GALNT18: variants seen among roughly 807,000 people sequenced by gnomAD.
The protein encoded by GALNT18 is GalNAc-transferase 18.
GALNT18 carries 44 observed loss-of-function variants against 69.5 expected under a neutral mutation model. That is an observed-to-expected ratio of 0.63 (90% CI 0.50 to 0.81). The LOEUF is 0.81. Ranked by LOEUF, GALNT18 falls within the 40% of genes least tolerant of loss-of-function variation. The pLI, the probability that GALNT18 is intolerant of heterozygous loss-of-function variation, is 0.00. For synonymous variants in GALNT18, 364 were observed against 318.2 expected (o/e 1.14, Z -1.53); for missense variants, 715 against 810.0 (o/e 0.88, Z 1.42).
chr11:11,502,075 G>T (rs1483059532), intron 1 of GALNT18, among the ~76,000 whole-genome samples: 1 of 152,220 alleles, frequency 6.6e-6, no homozygotes, highest in Non-Finnish European at 1.5e-5. Flanking sequence ...AAAGCAGGAA[G>T]TCTGCAAGAA....
intron 6 of GALNT18, among the ~76,000 whole-genome samples, chr11:11,354,618 C>T (rs1460000972): frequency 2.0e-5 from 3 of 152,068 alleles, no homozygotes; most frequent in African/African-American, 7.2e-5. Context: ...GTTTAGAGGC[C>T]CCTAAGTATC....
chr11:11,334,872 A>C (rs756346614), intron 7 of GALNT18, among the ~76,000 whole-genome samples: 1 of 152,192 alleles, frequency 6.6e-6, no homozygotes, highest in Non-Finnish European at 1.5e-5. Context: ...CTGCTGGGTG[A>C]AGAAAATATT....
intron 1 of GALNT18, among the ~76,000 whole-genome samples, chr11:11,483,958 C>T (rs1472313442): frequency 2.0e-5 from 3 of 152,094 alleles, no homozygotes; most frequent in South Asian, 2.1e-4. Flanking sequence ...ATGAAGGCCC[C>T]GAGCAAAGTT....
In GALNT18 at chr11:11,546,534, G is replaced by C. The variant is rs1454927429; in HGVS notation, c.235+74825C>G. 6.6e-6 allele frequency among the ~76,000 whole-genome samples: 1 copy of C among 152,202 alleles called. No homozygotes were observed. The highest frequency in any genetic ancestry group is 2.4e-5 in the African/African-American group (1 of 41,458). On this transcript the variant is annotated intron_variant, in intron 1 of 10. Transcript: ENST00000227756. This position sits in a 1 kb window ranked among gnomAD's most constrained non-coding sequence, Gnocchi z 5.8. The stretch of plus-strand genomic sequence containing the variant: ...ACAAATCAAATTCTGCCACTGCAAT[G>C]CTGTAAAAGGTATCACGGCTCCCAT...
At position 11,293,241 on chromosome 11, in the gene GALNT18, G is replaced by A. The variant is rs112108154; in HGVS notation, c.1513-48C>T. 5.3e-4 allele frequency: 692 copies of A among 1,298,822 alleles called. 4 individuals are homozygous for A. The African/African-American group carries it at 8.7e-3, about 16-fold the overall frequency. 80.5% of individuals were successfully genotyped at this position (1,298,822 alleles called of 1,614,324 possible). A position where few individuals can be genotyped will look rare whatever the true frequency, so the allele number is the denominator to read the frequency against. ...AGTGTGGATAAATGCCAATGGCCACGGAGACAGGAGCATAGGTGGTGATTC... is the reference window on the plus strand; with the variant it reads ...AGTGTGGATAAATGCCAATGGCCACAGAGACAGGAGCATAGGTGGTGATTC... On this transcript the variant is annotated intron_variant, in intron 9 of 10. Coordinates refer to ENST00000227756, the MANE Select transcript of GALNT18 (RefSeq NM_198516.3).
chr11:11,298,958 A>G (rs1437899854), intron 9 of GALNT18, among the ~76,000 whole-genome samples: 5 of 151,936 alleles, frequency 3.3e-5, no homozygotes, highest in Admixed American at 6.6e-5. Flanking sequence ...CCCGCCTCCA[A>G]CCTCCACCAG....
rs1050704632 is a variant in GALNT18, at chr11:11,614,006, C to T, written c.235+7353G>A. On this transcript the variant is annotated intron_variant, in intron 1 of 10. Transcript: ENST00000227756. This position sits in a 1 kb window ranked among gnomAD's most constrained non-coding sequence, Gnocchi z 5.6. ...TGTACTGCTTGGCAATGTGCTTCTC[C>T]ACAGGGCAGCCTGTCTGTCCCCATC... Among the ~76,000 whole-genome samples the T allele has an allele frequency of 2.0e-5, 3 of 152,100 alleles. No homozygotes were observed. Among genetic ancestry groups the T allele is most frequent in the Admixed American group, 6.5e-5 (1 of 15,276 alleles).
chr11:11,450,610 A>G (rs148081716), intron 1 of GALNT18, among the ~76,000 whole-genome samples: 1 of 152,266 alleles, frequency 6.6e-6, no homozygotes, highest in African/African-American at 2.4e-5. Context: ...CCAGGTGCCG[A>G]ACTCACTGGG....
intron 6 of GALNT18, among the ~76,000 whole-genome samples, chr11:11,365,970 T>C (rs1850758832): frequency 6.6e-6 from 1 of 152,180 alleles, no homozygotes; most frequent in East Asian, 1.9e-4. Flanking sequence ...GCTAATTGTG[T>C]GCTGTCACTC....
intron 3 of GALNT18, among the ~76,000 whole-genome samples, chr11:11,392,781 T>C (rs141691952): frequency 2.6e-5 from 4 of 152,298 alleles, no homozygotes; most frequent in East Asian, 3.9e-4. Context: ...TTCAACAGCA[T>C]TACAGCCATC....
chr11:11,358,059 T>C (rs911589797), intron 6 of GALNT18, among the ~76,000 whole-genome samples: 1 of 152,158 alleles, frequency 6.6e-6, no homozygotes, highest in African/African-American at 2.4e-5. Context: ...GACTGTGGGA[T>C]CACACTGTCC....
Position 11,497,432 on chromosome 11 carries a change from T to A in GALNT18, c.236-48496A>T, listed in dbSNP as rs906178125. On this transcript the variant is annotated intron_variant, in intron 1 of 10. Transcript: ENST00000227756. This position sits in a 1 kb window ranked among gnomAD's most constrained non-coding sequence, Gnocchi z 4.2. ...ATGGGTCTTATGGAGCAAGACTTTATGGGTCCCTGCTCTTATGCAGGGCCT... is the reference window on the plus strand; with the variant it reads ...ATGGGTCTTATGGAGCAAGACTTTAAGGGTCCCTGCTCTTATGCAGGGCCT... Among the ~76,000 whole-genome samples the A allele has an allele frequency of 6.7e-6, 1 of 149,042 alleles. No individual in the cohort carries two copies. The highest frequency in any genetic ancestry group is 2.5e-5 in the African/African-American group (1 of 40,534).
chr11:11,450,321 G>C (rs897804323), intron 1 of GALNT18, among the ~76,000 whole-genome samples: 6 of 151,964 alleles, frequency 3.9e-5, no homozygotes, highest in Admixed American at 2.6e-4. Flanking sequence ...AGTCTTCAAG[G>C]CTGGAGTGCT....
chr11:11,482,577 C>G (rs1233824462), intron 1 of GALNT18, among the ~76,000 whole-genome samples: 1 of 152,218 alleles, frequency 6.6e-6, no homozygotes, highest in Non-Finnish European at 1.5e-5. Flanking sequence ...TGAGGACAGT[C>G]ACACCAGCTT....
intron 1 of GALNT18, among the ~76,000 whole-genome samples, chr11:11,514,332 ATTTGGAATAGCAGAAATGC>A (rs1004743357): frequency 1.3e-5 from 2 of 152,298 alleles, no homozygotes; most frequent in Admixed American, 1.3e-4. Context: ...GAGGCTCCCC[ATTTGGAATAGCAGAAATGC>A]TTTCCTTTAC....
At chr11:11,300,633 G>A (rs1300081240) in intron 9 of GALNT18, among the ~76,000 whole-genome samples, 2 of 152,172 alleles carry the variant, frequency 1.3e-5, no homozygotes, top group East Asian at 1.9e-4. Flanking sequence ...ACGATTGGAC[G>A]GTTGGCAAAG....
Position 11,399,256 on chromosome 11 carries a change from C to A in GALNT18, c.596-19992G>T, listed in dbSNP as rs562672762. ...CCTCACCACACCCTGACTATGCTGG[C>A]ACCCTGATCACAGAACCTCCAGTAC... On this transcript the variant is annotated intron_variant, in intron 3 of 10. Coordinates refer to ENST00000227756, the MANE Select transcript of GALNT18 (RefSeq NM_198516.3). 5.3e-5 allele frequency among the ~76,000 whole-genome samples: 8 copies of A among 152,274 alleles called. No individual in the cohort carries two copies. The South Asian group carries it at 1.5e-3, about 28-fold the overall frequency.
At chr11:11,417,489 C>A (rs1401543473) in intron 3 of GALNT18, among the ~76,000 whole-genome samples, 1 of 152,204 alleles carries the variant, frequency 6.6e-6, no homozygotes, top group East Asian at 1.9e-4. Context: ...GACAGACAGA[C>A]TAGGGCCATA....
chr11:11,594,302 A>T (rs1267531468), intron 1 of GALNT18, among the ~76,000 whole-genome samples: 1 of 152,192 alleles, frequency 6.6e-6, no homozygotes, highest in East Asian at 1.9e-4. Context: ...TTATTTTTTA[A>T]GCTTTATTGA....
Sources: allele counts gnomAD v4.1 joint callset (sites outside exome capture counted in the v4.1 genomes callset), GRCh38; gene constraint gnomAD v4.1.1; non-coding constraint Gnocchi (gnomAD v3.1); transcripts MANE v1.5; gene names NCBI Gene and HGNC (gene_info 2026-07-23, HGNC 2026-07-21).